Variants in PEX14 observed in about 807,000 individuals in gnomAD.
The protein encoded by PEX14 is peroxisomal membrane protein PEX14.
PEX14 carries 15 observed loss-of-function variants against 49.5 expected under a neutral mutation model. That is an observed-to-expected ratio of 0.30 (90% CI 0.20 to 0.47). The LOEUF is 0.47. PEX14 is among the 20% of genes least tolerant of loss of function. PEX14 has a pLI of 1.00. For synonymous variants in PEX14, 210 were observed against 212.7 expected, an observed-to-expected ratio of 0.99 and a Z score of 0.11; for missense variants, 398 against 494.8, an observed-to-expected ratio of 0.80 and a Z score of 1.86.
chr1:10,612,527 T>C (rs1050246591), intron 4 of PEX14, among the ~76,000 whole-genome samples: 1 of 152,236 alleles, frequency 6.6e-6, no homozygotes, highest in Non-Finnish European at 1.5e-5. Context: ...GTTGGGCTAC[T>C]GTGGTGCCTT....
In PEX14 at chr1:10,555,782, G is replaced by A. The variant is rs138703462; in HGVS notation, c.169+19485G>A. Among the ~76,000 whole-genome samples the A allele has an allele frequency of 4.9e-3, 745 of 152,228 alleles. 8 individuals carry two copies. Among genetic ancestry groups the A allele is most frequent in the African/African-American group, 0.017 (705 of 41,526 alleles). On this transcript the variant is annotated intron_variant, in intron 3 of 8. Transcript: ENST00000356607. Reference sequence around the variant, plus strand: ...AGAAGCACACAAGCTGCTGTTGCCCGTTCATTAGGTTTTCAGAAGAGTCCG... The same window carrying A: ...AGAAGCACACAAGCTGCTGTTGCCCATTCATTAGGTTTTCAGAAGAGTCCG...
chr1:10,521,293 A>C (rs992570347), intron 2 of PEX14, among the ~76,000 whole-genome samples: 12 of 151,706 alleles, frequency 7.9e-5, no homozygotes, highest in African/African-American at 2.9e-4. Flanking sequence ...CATTTTCCCT[A>C]ATAAAATATC....
intron 4 of PEX14, among the ~76,000 whole-genome samples, chr1:10,602,795 A>C (rs1174256768): frequency 6.6e-6 from 1 of 152,226 alleles, no homozygotes. Context: ...CACAATCTGC[A>C]TGCTTATCAC....
chr1:10,542,371 A>G lies in PEX14; in HGVS notation c.169+6074A>G, dbSNP rs953657390. Among the ~76,000 whole-genome samples the G allele has an allele frequency of 3.9e-5, 6 of 152,304 alleles. No homozygotes were observed. The East Asian group carries it at 7.7e-4, about 20-fold the overall frequency. ...ACACTTTACTCGTATACTTGGTGTT[A>G]TATCTCGGCAGTCATTCCACATCGA... On this transcript the variant is annotated intron_variant, in intron 3 of 8. Coordinates refer to ENST00000356607, the MANE Select transcript of PEX14 (RefSeq NM_004565.3).
At chr1:10,484,822 C>G (rs779624035) in intron 1 of PEX14, among the ~76,000 whole-genome samples, 1 of 151,678 alleles carries the variant, frequency 6.6e-6, no homozygotes, top group African/African-American at 2.4e-5. Flanking sequence ...TACTGTCAGC[C>G]AGCGGCCGCC....
chr1:10,510,583 C>T (rs923399764), intron 2 of PEX14, among the ~76,000 whole-genome samples: 3 of 152,102 alleles, frequency 2.0e-5, no homozygotes, highest in Admixed American at 6.5e-5. Context: ...GTTGTATGGC[C>T]GTATATATTT....
At chr1:10,516,516 T>C (rs1038175577) in intron 2 of PEX14, among the ~76,000 whole-genome samples, 1 of 152,190 alleles carries the variant, frequency 6.6e-6, no homozygotes, top group Non-Finnish European at 1.5e-5. Context: ...GGATCTCAAA[T>C]CTCCTGCCTG....
chr1:10,541,310 A>G (rs1458775339), intron 3 of PEX14, among the ~76,000 whole-genome samples: 1 of 152,216 alleles, frequency 6.6e-6, no homozygotes, highest in African/African-American at 2.4e-5. Context: ...CTCAGGAGTG[A>G]GAGCTACCAG....
Position 10,493,771 on chromosome 1 carries a change from C to T in PEX14, c.37-1503C>T, listed in dbSNP as rs570181175. On this transcript the variant is annotated intron_variant, in intron 1 of 8. Coordinates refer to ENST00000356607, the MANE Select transcript of PEX14 (RefSeq NM_004565.3). ...TGATGTAATGAGTTAGCTCTGGGAG[C>T]GAGGGAGAAAGAGCTGTCTCAAGAT... 3.9e-5 allele frequency among the ~76,000 whole-genome samples: 6 copies of T among 152,118 alleles called. No individual in the cohort carries two copies. The South Asian group carries it at 1.0e-3, about 26-fold the overall frequency.
chr1:10,594,508 T>G (rs1235615854), intron 3 of PEX14, among the ~76,000 whole-genome samples: 2 of 152,218 alleles, frequency 1.3e-5, no homozygotes, highest in African/African-American at 4.8e-5. Flanking sequence ...ATTTTTATAA[T>G]AAAACTAGGG....
intron 3 of PEX14, among the ~76,000 whole-genome samples, chr1:10,587,140 C>A (rs1451428198): frequency 6.6e-6 from 1 of 152,012 alleles, no homozygotes; most frequent in Non-Finnish European, 1.5e-5. Context: ...TGTATATATT[C>A]AATGCCAACA....
chr1:10,601,387 T>C (rs1640981277), intron 4 of PEX14, among the ~76,000 whole-genome samples: 1 of 152,112 alleles, frequency 6.6e-6, no homozygotes, highest in African/African-American at 2.4e-5. Flanking sequence ...ACCTCAGCAC[T>C]GTTTTCATCC....
chr1:10,490,450 C>T (rs72640379), intron 1 of PEX14, among the ~76,000 whole-genome samples: 2,123 of 152,280 alleles, frequency 0.014, 49 homozygotes, highest in African/African-American at 0.048. Context: ...GATCTGGGAA[C>T]GCCTTCCAGT....
rs1641166386 is a variant in PEX14, at chr1:10,474,974, C to T, written c.8C>T (p.Ser3Phe). MA[S>F]SEQAEQPSQP... ...TAGTCAGGCCTCAGAAAGATGGCGTCCTCGGAGCAGGCAGAGCAGCCGAGC... is the reference window on the plus strand; with the variant it reads ...TAGTCAGGCCTCAGAAAGATGGCGTTCTCGGAGCAGGCAGAGCAGCCGAGC... Residue 3 changes from serine (S) to phenylalanine (F), a missense_variant, in exon 1 of 9, where the codon TCC becomes TTC. Coordinates refer to ENST00000356607, the MANE Select transcript of PEX14 (RefSeq NM_004565.3). The T allele has an allele frequency of 6.2e-7, 1 of 1,609,188 alleles. No homozygotes were observed. The highest frequency in any genetic ancestry group is 8.5e-7 in the Non-Finnish European group (1 of 1,178,114).
At chr1:10,577,524 C>CTATATATATA (rs1557854620) in intron 3 of PEX14, among the ~76,000 whole-genome samples, 4 of 44,346 alleles carry the variant, frequency 9.0e-5, no homozygotes, top group African/African-American at 3.3e-4. Flanking sequence ...ATTTTGGACA[C>CTATATATATA]TATACATATA....
chr1:10,592,477 C>A (rs774522234), intron 3 of PEX14, among the ~76,000 whole-genome samples: 2 of 152,012 alleles, frequency 1.3e-5, no homozygotes, highest in Non-Finnish European at 2.9e-5. Context: ...TGATTGGAAA[C>A]CCTCCCAGTC....
In PEX14 at chr1:10,502,939, C is replaced by T. The variant is rs148504436; in HGVS notation, c.84+7618C>T. On this transcript the variant is annotated intron_variant, in intron 2 of 8. Transcript: ENST00000356607. Reference sequence around the variant, plus strand: ...CAGCCTCCCCAGTAGCTGGGACTACCGGTGCACACCACCATGCCCAGCTAA... The same window carrying T: ...CAGCCTCCCCAGTAGCTGGGACTACTGGTGCACACCACCATGCCCAGCTAA... 8.3e-4 allele frequency among the ~76,000 whole-genome samples: 125 copies of T among 151,510 alleles called. 1 individual carries two copies. Among genetic ancestry groups the T allele is most frequent in the Middle Eastern group, 3.4e-3 (1 of 290 alleles).
chr1:10,491,147 G>A (rs746936872), intron 1 of PEX14, among the ~76,000 whole-genome samples: 33 of 151,776 alleles, frequency 2.2e-4, no homozygotes, highest in Non-Finnish European at 3.1e-4. Flanking sequence ...GATTACAGGC[G>A]TGAGCTACTG....
intron 3 of PEX14, among the ~76,000 whole-genome samples, chr1:10,593,647 T>C (rs557647200): frequency 2.9e-4 from 43 of 150,662 alleles, no homozygotes; most frequent in African/African-American, 8.8e-4. Flanking sequence ...GTTTGACTTA[T>C]CTGCTTAATA....
Sources: gnomAD v4.1 joint callset for allele counts (sites outside exome capture counted in the v4.1 genomes callset) on GRCh38, gnomAD v4.1.1 for gene constraint, MANE v1.5 for transcripts, NCBI Gene and HGNC (gene_info 2026-07-23, HGNC 2026-07-21) for gene names.